SLCO3A1: variants seen among roughly 807,000 people sequenced by gnomAD.
SLCO3A1 encodes PGE1 transporter.
Under a neutral mutation model 63.1 loss-of-function variants are expected in SLCO3A1, and 27 were observed. That is an observed-to-expected ratio of 0.43 (90% CI 0.32 to 0.59). The LOEUF is 0.59. Ranked by LOEUF, SLCO3A1 falls within the 20% of genes least tolerant of loss-of-function variation. SLCO3A1 has a pLI of 0.09. For synonymous variants in SLCO3A1, 473 were observed against 409.9 expected (o/e 1.15, Z -1.86); for missense variants, 773 against 945.8 (o/e 0.82, Z 2.40).
intron 2 of SLCO3A1, among the ~76,000 whole-genome samples, chr15:92,055,881 G>A (rs1042093249): frequency 3.3e-5 from 5 of 152,138 alleles, no homozygotes; most frequent in Non-Finnish European, 7.3e-5. Context: ...AGTCAGATTC[G>A]ATTTGTCTTC....
In SLCO3A1 at chr15:91,856,427, G is replaced by T. The variant is rs7162027; in HGVS notation, c.180+2339G>T. On this transcript the variant is annotated intron_variant, in intron 1 of 9. Transcript: ENST00000318445. This position sits in a 1 kb window ranked among gnomAD's most constrained non-coding sequence, Gnocchi z 4.9. The stretch of plus-strand genomic sequence containing the variant: ...AGTTGGCTTGTCAGGGTTGACTGAC[G>T]CAGCTTGCTATGGGCTTTGCTCTTC... Among the ~76,000 whole-genome samples the T allele has an allele frequency of 0.3, 45,250 of 152,026 alleles. 8,014 individuals carry two copies. The highest frequency in any genetic ancestry group is 0.49 in the African/African-American group (20,448 of 41,412).
chr15:91,917,932 T>C (rs1446713271), intron 2 of SLCO3A1, among the ~76,000 whole-genome samples: 2 of 152,184 alleles, frequency 1.3e-5, no homozygotes. Context: ...AGTAGATCAA[T>C]CAGAGCACAG....
Position 91,865,937 on chromosome 15 carries a change from C to G in SLCO3A1, c.180+11849C>G, listed in dbSNP as rs1224131738. On this transcript the variant is annotated intron_variant, in intron 1 of 9. Transcript: ENST00000318445. The surrounding 1 kb of genome is among the most constrained non-coding windows in gnomAD (Gnocchi z 4.6). ...AGAAAACAAAGGCAAACTCTGTCTT[C>G]TTAAGTGTTTGGGTGAGGTAGGAGG... Among the ~76,000 whole-genome samples, 1 of 152,186 alleles carries G rather than the reference C, an allele frequency of 6.6e-6. No individual in the cohort carries two copies. Among genetic ancestry groups the G allele is most frequent in the Non-Finnish European group, 1.5e-5 (1 of 68,028 alleles).
At chr15:91,909,089 A>C (rs559546634) in intron 1 of SLCO3A1, among the ~76,000 whole-genome samples, 1 of 152,242 alleles carries the variant, frequency 6.6e-6, no homozygotes, top group Admixed American at 6.5e-5. Flanking sequence ...CAAACAAACA[A>C]AGAAACCCAA....
At chr15:91,909,724 AC>A (rs1898424171) in intron 1 of SLCO3A1, among the ~76,000 whole-genome samples, 1 of 152,124 alleles carries the variant, frequency 6.6e-6, no homozygotes, top group Non-Finnish European at 1.5e-5. Context: ...TCCTGCTCTC[AC>A]CCTTCACAAG....
chr15:92,141,044 CG>C (rs1215576417), intron 7 of SLCO3A1, among the ~76,000 whole-genome samples: 14 of 152,160 alleles, frequency 9.2e-5, no homozygotes, highest in African/African-American at 3.4e-4. Flanking sequence ...CCCTGTCCTC[CG>C]GGTCAACAAA....
intron 1 of SLCO3A1, among the ~76,000 whole-genome samples, chr15:91,864,895 C>T (rs1334120494): frequency 9.9e-5 from 15 of 152,172 alleles, no homozygotes; most frequent in Non-Finnish European, 2.1e-4. Flanking sequence ...CTCCACTGGC[C>T]CCTGACCCCA....
intron 2 of SLCO3A1, among the ~76,000 whole-genome samples, chr15:92,078,622 C>T (rs2047307270): frequency 6.6e-6 from 1 of 152,212 alleles, no homozygotes; most frequent in Non-Finnish European, 1.5e-5. Flanking sequence ...CAGGCTGTTC[C>T]TGCCTTCTTC....
At chr15:92,168,399 C>T (rs1392580298), downstream of SLCO3A1, among the ~76,000 whole-genome samples, 1 of 152,194 alleles carries the variant, frequency 6.6e-6, no homozygotes, top group Non-Finnish European at 1.5e-5. Flanking sequence ...ACTTTGTGGG[C>T]CTGCAGTCTG....
intron 2 of SLCO3A1, among the ~76,000 whole-genome samples, chr15:92,025,499 C>T (rs2046562291): frequency 6.6e-6 from 1 of 152,212 alleles, no homozygotes; most frequent in Non-Finnish European, 1.5e-5. Context: ...GCTACTGTGG[C>T]TAGCAAACAT....
intron 2 of SLCO3A1, among the ~76,000 whole-genome samples, chr15:91,957,889 A>C (rs1900296798): frequency 6.6e-6 from 1 of 152,222 alleles, no homozygotes; most frequent in South Asian, 2.1e-4. Flanking sequence ...TTCCCAGTGC[A>C]TAAAGCATGG....
At chr15:92,130,885 CA>C (rs993611856) in intron 7 of SLCO3A1, among the ~76,000 whole-genome samples, 1,264 of 21,842 alleles carry the variant, frequency 0.058, 8 homozygotes, top group African/African-American at 0.12. Flanking sequence ...AAGTTCGGGG[CA>C]AAAAAAAAAA....
chr15:92,127,098 T>C (rs150060059), intron 6 of SLCO3A1, among the ~76,000 whole-genome samples: 1 of 152,350 alleles, frequency 6.6e-6, no homozygotes, highest in East Asian at 1.9e-4. Flanking sequence ...CAGAGGCAGC[T>C]TTCTGTATGT....
intron 7 of SLCO3A1, among the ~76,000 whole-genome samples, chr15:92,145,423 T>TTC (rs5814519): frequency 0.35 from 53,001 of 151,874 alleles, 9,336 homozygotes; most frequent in East Asian, 0.43. Context: ...TATGCTTAGT[T>TTC]TCATCTACGT....
At chr15:91,990,663 A>T (rs77808675) in intron 2 of SLCO3A1, among the ~76,000 whole-genome samples, 6 of 150,742 alleles carry the variant, frequency 4.0e-5, no homozygotes, top group African/African-American at 1.2e-4. Context: ...AAAAAAAAAA[A>T]TCCCTATGTT....
At chr15:92,081,582 G>A (rs1212524038) in intron 2 of SLCO3A1, among the ~76,000 whole-genome samples, 1 of 152,138 alleles carries the variant, frequency 6.6e-6, no homozygotes, top group Non-Finnish European at 1.5e-5. Context: ...TGGCCAGGCT[G>A]GTCCCGAACT....
intron 1 of SLCO3A1, among the ~76,000 whole-genome samples, chr15:91,887,677 C>T (rs1473847489): frequency 6.6e-6 from 1 of 152,204 alleles, no homozygotes; most frequent in Non-Finnish European, 1.5e-5. Flanking sequence ...CTGCTGTTCT[C>T]TCCCTGTCTT....
chr15:92,150,897 AG>A, intron 8 of SLCO3A1, 52 bp from the exon 9 acceptor site: 3 of 1,344,118 alleles, frequency 2.2e-6, no homozygotes, highest in Non-Finnish European at 3.2e-6. Flanking sequence ...TGTTAATTAC[AG>A]GGGAATGATA....
rs545971158 is a variant in SLCO3A1, at chr15:91,869,853, G to T, written c.180+15765G>T. Among the ~76,000 whole-genome samples the T allele has an allele frequency of 8.5e-5, 13 of 152,306 alleles. No individual in the cohort carries two copies. The East Asian group carries it at 2.5e-3, about 29-fold the overall frequency. On this transcript the variant is annotated intron_variant, in intron 1 of 9. Transcript: ENST00000318445. ...GATTCAGGCTTCTTTTCACTACTTT[G>T]TTCTCAGAATAAAACTCTTCCAAGG...
Sources: allele counts gnomAD v4.1 joint callset (sites outside exome capture counted in the v4.1 genomes callset), GRCh38; gene constraint gnomAD v4.1.1; non-coding constraint Gnocchi (gnomAD v3.1); transcripts MANE v1.5; gene names NCBI Gene and HGNC (gene_info 2026-07-23, HGNC 2026-07-21).